KLF8: variants seen among roughly 807,000 people sequenced by gnomAD.
KLF8 encodes Krueppel-like factor 8.
Under a neutral mutation model 18.2 loss-of-function variants are expected in KLF8, and 10 were observed. That is an observed-to-expected ratio of 0.55 (90% CI 0.34 to 0.93). KLF8 has a LOEUF of 0.93. Among genes scored for constraint, KLF8 ranks in the 40% least tolerant of loss-of-function variants. The probability of loss-of-function intolerance (pLI) is 0.02; values close to 1 mark genes in which losing one functional copy is unlikely to be tolerated. For missense variants in KLF8, 264 were observed against 277.9 expected, an observed-to-expected ratio of 0.95 and a Z score of 0.36; for synonymous variants, 109 against 97.3, an observed-to-expected ratio of 1.12 and a Z score of -0.71.
the KLF8 span, among the ~76,000 whole-genome samples, chrX:56,089,109 A>G: frequency 9.0e-6 from 1 of 111,345 alleles, no homozygotes; most frequent in Non-Finnish European, 1.9e-5. Flanking sequence ...TATTCCACTC[A>G]GGTCCATCCA....
the KLF8 span, among the ~76,000 whole-genome samples, chrX:56,028,724 C>T: frequency 1.8e-5 from 2 of 111,448 alleles, no homozygotes; most frequent in Non-Finnish European, 3.8e-5. Flanking sequence ...GTGGTGACAC[C>T]TGACCCCGGG....
the KLF8 span, among the ~76,000 whole-genome samples, chrX:56,055,509 T>C: frequency 8.9e-6 from 1 of 111,851 alleles, no homozygotes; most frequent in African/African-American, 3.2e-5. Flanking sequence ...TTACTTTTAT[T>C]TTGTGTTTGG....
chrX:55,989,701 G>C, the KLF8 span, among the ~76,000 whole-genome samples: 1 of 111,758 alleles, frequency 8.9e-6, no homozygotes, highest in African/African-American at 3.3e-5. Flanking sequence ...TTGGTATCAG[G>C]ATAATTCTGG....
At chrX:56,008,118 CTATATATA>C in the KLF8 span, among the ~76,000 whole-genome samples, 1 of 99,821 alleles carries the variant, frequency 1.0e-5, no homozygotes, top group African/African-American at 3.8e-5. Context: ...TAGTGCAAAG[CTATATATA>C]TATATATATA....
the KLF8 span, among the ~76,000 whole-genome samples, chrX:56,132,769 A>G: frequency 9.0e-6 from 1 of 111,698 alleles, no homozygotes; most frequent in Admixed American, 9.5e-5. Context: ...GACTGTTAGG[A>G]GGGTTAACTG....
chrX:56,104,622 T>G, the KLF8 span, among the ~76,000 whole-genome samples: 3 of 111,811 alleles, frequency 2.7e-5, no homozygotes, highest in South Asian at 3.8e-4. Flanking sequence ...TTTTTTAGTC[T>G]TGCTAGAGGA....
rs1602485091 is a variant in KLF8 at position 56,289,484 on chromosome X, G to C, written c.*4990G>C. 8.9e-6 allele frequency among the ~76,000 whole-genome samples: 1 copy of C among 111,880 alleles called. No individual in the cohort carries two copies. The highest frequency in any genetic ancestry group is 3.3e-5 in the African/African-American group (1 of 30,736). ...CAGCTAACAGCAAGGAAACATATGT[G>C]TGTATACTATCCTATGTATATGCAC... On this transcript the variant is annotated 3_prime_UTR_variant, in exon 6 of 6. Transcript: ENST00000468660.
chrX:56,031,027 C>G, the KLF8 span, among the ~76,000 whole-genome samples: 3 of 110,867 alleles, frequency 2.7e-5, no homozygotes, highest in Non-Finnish European at 5.7e-5. Flanking sequence ...AGGCTTCCTT[C>G]TGATGGCCAA....
chrX:55,939,896 T>A, the KLF8 span, among the ~76,000 whole-genome samples: 1 of 111,089 alleles, frequency 9.0e-6, no homozygotes, highest in Non-Finnish European at 1.9e-5. Context: ...AGCTTACCAA[T>A]CAAAAAGAGT....
chrX:55,961,588 G>T, the KLF8 span: 1 of 492,664 alleles, frequency 2.0e-6, no homozygotes. Flanking sequence ...GTTATTCACT[G>T]TGCATACCAT....
the KLF8 span, among the ~76,000 whole-genome samples, chrX:55,919,818 T>G: frequency 1.6e-3 from 178 of 111,756 alleles, 1 homozygote; most frequent in Non-Finnish European, 2.9e-3. Context: ...CATAATATTT[T>G]GGGAGCTCTG....
chrX:56,066,111 C>T, the KLF8 span, among the ~76,000 whole-genome samples: 1 of 111,757 alleles, frequency 8.9e-6, no homozygotes, highest in Non-Finnish European at 1.9e-5. Context: ...GTAATAAGGG[C>T]AGAACAACAC....
chrX:55,921,622 C>G, the KLF8 span, among the ~76,000 whole-genome samples: 1 of 111,815 alleles, frequency 8.9e-6, no homozygotes, highest in Non-Finnish European at 1.9e-5. Context: ...CAAATGGGAT[C>G]TAATTAAACT....
chrX:56,170,125 T>C, the KLF8 span, among the ~76,000 whole-genome samples: 1 of 111,248 alleles, frequency 9.0e-6, no homozygotes, highest in Non-Finnish European at 1.9e-5. Context: ...ACCACAGCAT[T>C]AGTGGACTTG....
the KLF8 span, among the ~76,000 whole-genome samples, chrX:56,184,624 C>A: frequency 8.9e-6 from 1 of 111,799 alleles, no homozygotes; most frequent in Non-Finnish European, 1.9e-5. Context: ...GAGGCACCCC[C>A]GAGTAGCGGC....
chrX:55,928,292 A>C, the KLF8 span, among the ~76,000 whole-genome samples: 2 of 111,607 alleles, frequency 1.8e-5, no homozygotes, highest in African/African-American at 6.5e-5. Flanking sequence ...TTTTTACTGG[A>C]GATGTTAACA....
At chrX:56,054,146 T>C in the KLF8 span, among the ~76,000 whole-genome samples, 2 of 110,727 alleles carry the variant, frequency 1.8e-5, no homozygotes, top group African/African-American at 3.3e-5. Context: ...TATTTATTTA[T>C]TTTGACACGG....
chrX:56,280,430 C>T (rs184675414), intron 5 of KLF8, among the ~76,000 whole-genome samples: 45 of 111,821 alleles, frequency 4.0e-4, no homozygotes, highest in African/African-American at 1.4e-3. Flanking sequence ...GAAATGAGGT[C>T]TCACTATGTT....
At chrX:55,951,474 G>A in the KLF8 span, among the ~76,000 whole-genome samples, 9 of 93,790 alleles carry the variant, frequency 9.6e-5, no homozygotes, top group South Asian at 1.6e-3. Flanking sequence ...GCAAAACTCC[G>A]TCTCAAAAAA....
Sources: allele counts gnomAD v4.1 joint callset (sites outside exome capture counted in the v4.1 genomes callset), GRCh38; gene constraint gnomAD v4.1.1; transcripts MANE v1.5; gene names NCBI Gene and HGNC (gene_info 2026-07-23, HGNC 2026-07-21).